ARHGAP32: variants seen among roughly 807,000 people sequenced by gnomAD.
ARHGAP32 encodes rho GTPase-activating protein 32.
ARHGAP32 carries 51 observed loss-of-function variants against 186.5 expected under a neutral mutation model. The observed-to-expected ratio is 0.27, with a 90% confidence interval of 0.22 to 0.35. The LOEUF (loss-of-function observed/expected upper bound fraction) is 0.35. Ranked by LOEUF, ARHGAP32 falls within the 10% of genes least tolerant of loss-of-function variation. The probability of loss-of-function intolerance (pLI) is 1.00; values close to 1 mark genes in which losing one functional copy is unlikely to be tolerated. For missense variants in ARHGAP32, 2,186 were observed against 2,623.5 expected (o/e 0.83, Z 3.64); for synonymous variants, 950 against 964.3 (o/e 0.99, Z 0.27).
intron 1 of ARHGAP32, among the ~76,000 whole-genome samples, chr11:129,181,098 C>T (rs991425911): frequency 2.0e-5 from 3 of 152,086 alleles, no homozygotes; most frequent in Admixed American, 6.6e-5. Context: ...TTTCTTCATC[C>T]CTGGAATAAA....
At chr11:129,171,330 C>G (rs1029203614) in intron 1 of ARHGAP32, among the ~76,000 whole-genome samples, 1 of 152,114 alleles carries the variant, frequency 6.6e-6, no homozygotes, top group Non-Finnish European at 1.5e-5. Context: ...TTTAATCCAT[C>G]CTGAGTTAAT....
chr11:129,262,529 A>G (rs1945337349), intron 1 of ARHGAP32, among the ~76,000 whole-genome samples: 1 of 152,000 alleles, frequency 6.6e-6, no homozygotes. Flanking sequence ...GATTACAGGC[A>G]TATGCCACCA....
intron 10 of ARHGAP32, among the ~76,000 whole-genome samples, chr11:129,055,336 A>G (rs1458817281): frequency 6.6e-6 from 1 of 152,202 alleles, no homozygotes; most frequent in Non-Finnish European, 1.5e-5. Flanking sequence ...TGCTAGTAAC[A>G]ATGCAAAATG....
At chr11:128,990,208 T>C (rs1183642916) in intron 12 of ARHGAP32, among the ~76,000 whole-genome samples, 1 of 152,172 alleles carries the variant, frequency 6.6e-6, no homozygotes, top group African/African-American at 2.4e-5. Context: ...CTATCACTCT[T>C]TAGCGAGCCT....
At chr11:129,076,138 C>G (rs750043235) in intron 6 of ARHGAP32, among the ~76,000 whole-genome samples, 1 of 152,196 alleles carries the variant, frequency 6.6e-6, no homozygotes, top group East Asian at 1.9e-4. Context: ...GAGATAACAA[C>G]GTCAAGAAGT....
At chr11:129,224,048 T>C (rs1465998919) in intron 1 of ARHGAP32, among the ~76,000 whole-genome samples, 1 of 152,164 alleles carries the variant, frequency 6.6e-6, no homozygotes, top group Non-Finnish European at 1.5e-5. Context: ...GATGACGAAA[T>C]AATGAAATAA....
intron 2 of ARHGAP32, among the ~76,000 whole-genome samples, chr11:129,132,451 C>A (rs1360388124): frequency 6.6e-6 from 1 of 151,418 alleles, no homozygotes; most frequent in African/African-American, 2.4e-5. Flanking sequence ...GCACTCCAGC[C>A]TGAGCAACAG....
chr11:129,170,880 T>C (rs1943746088), intron 1 of ARHGAP32, among the ~76,000 whole-genome samples: 1 of 152,212 alleles, frequency 6.6e-6, no homozygotes, highest in Non-Finnish European at 1.5e-5. Context: ...CGTGAGATGG[T>C]GTCTCACTGT....
intron 11 of ARHGAP32, among the ~76,000 whole-genome samples, chr11:128,999,378 T>C (rs993913166): frequency 2.0e-5 from 3 of 152,198 alleles, no homozygotes; most frequent in Admixed American, 2.0e-4. Context: ...TGTTAAAATG[T>C]TTATCAATGA....
chr11:129,034,975 T>C (rs1282520037), intron 11 of ARHGAP32, among the ~76,000 whole-genome samples: 2 of 152,078 alleles, frequency 1.3e-5, no homozygotes, highest in East Asian at 1.9e-4. Flanking sequence ...AGAATAGCTA[T>C]GAACATAAAG....
intron 19 of ARHGAP32, 70 bp from the exon 20 acceptor site, chr11:128,976,704 T>A: frequency 1.5e-6 from 2 of 1,320,094 alleles, no homozygotes; most frequent in Admixed American, 3.4e-5. Context: ...GGATCGGTGT[T>A]TTTCTTGATA....
chr11:129,192,747 C>A (rs144221029), upstream of ARHGAP32, among the ~76,000 whole-genome samples: 36 of 152,216 alleles, frequency 2.4e-4, no homozygotes, highest in Middle Eastern at 3.4e-3. Flanking sequence ...CAATATTACA[C>A]CCATCTTTCC....
intron 11 of ARHGAP32, among the ~76,000 whole-genome samples, chr11:129,025,528 ACTC>A (rs756664481): frequency 1.3e-5 from 2 of 152,102 alleles, no homozygotes; most frequent in Non-Finnish European, 2.9e-5. Context: ...CTTAAAATTT[ACTC>A]CTATTGGAGA....
chr11:129,181,000 G>T (rs1333872215), intron 1 of ARHGAP32, among the ~76,000 whole-genome samples: 2 of 152,032 alleles, frequency 1.3e-5, no homozygotes, highest in Non-Finnish European at 2.9e-5. Context: ...GTTCCACAGA[G>T]AAGTCCAAGC....
intron 19 of ARHGAP32, among the ~76,000 whole-genome samples, 194 bp from the exon 20 acceptor site, chr11:128,976,828 G>A (rs1376728398): frequency 6.6e-6 from 1 of 152,174 alleles, no homozygotes; most frequent in Non-Finnish European, 1.5e-5. Context: ...ATTATATAAT[G>A]TGTTATACTG....
At chr11:129,031,154 G>A (rs908401504) in intron 11 of ARHGAP32, among the ~76,000 whole-genome samples, 2 of 151,976 alleles carry the variant, frequency 1.3e-5, no homozygotes, top group Non-Finnish European at 2.9e-5. Context: ...GTGATATCTT[G>A]GCATGTAGAT....
intron 2 of ARHGAP32, among the ~76,000 whole-genome samples, chr11:129,132,477 A>T (rs1942834164): frequency 6.6e-6 from 1 of 151,094 alleles, no homozygotes; most frequent in African/African-American, 2.4e-5. Flanking sequence ...GATCAGGGGG[A>T]GAAAAAAAAA....
intron 1 of ARHGAP32, among the ~76,000 whole-genome samples, chr11:129,203,527 T>A (rs998737815): frequency 2.0e-4 from 30 of 151,450 alleles, no homozygotes; most frequent in Non-Finnish European, 5.9e-5. Context: ...AAGGTAAAAG[T>A]ATAGTGTTGA....
intron 6 of ARHGAP32, among the ~76,000 whole-genome samples, chr11:129,085,985 C>T (rs956487457): frequency 7.4e-5 from 11 of 149,176 alleles, no homozygotes; most frequent in African/African-American, 2.7e-4. Context: ...CAGAGCAAGA[C>T]TCCATCTCAA....
Sources: allele counts gnomAD v4.1 joint callset (sites outside exome capture counted in the v4.1 genomes callset), GRCh38; gene constraint gnomAD v4.1.1; transcripts MANE v1.5; gene names NCBI Gene and HGNC (gene_info 2026-07-23, HGNC 2026-07-21).